Variants in SSU72 observed in about 807,000 individuals in gnomAD.
The protein encoded by SSU72 is SSU72 homolog, RNA polymerase II CTD phosphatase.
SSU72 carries 12 observed loss-of-function variants against 22.7 expected under a neutral mutation model. The observed-to-expected ratio is 0.53, with a 90% CI of 0.34 to 0.86. The LOEUF (loss-of-function observed/expected upper bound fraction) is 0.86, where lower values mean the gene tolerates loss of function less well. SSU72 is among the 40% of genes least tolerant of loss of function. The pLI, the probability that SSU72 is intolerant of heterozygous loss-of-function variation, is 0.02. For synonymous variants in SSU72, 116 were observed against 98.3 expected (o/e 1.18, Z -1.06); for missense variants, 151 against 249.8 (o/e 0.60, Z 2.67).
rs542404771 is a variant in SSU72, at chr1:1,554,529, G to T, written c.225-9527C>A. 1.8e-4 allele frequency among the ~76,000 whole-genome samples: 27 copies of T among 152,266 alleles called. No individual in the cohort carries two copies. In the South Asian group the frequency reaches 5.2e-3, roughly 29 times the overall value. The stretch of plus-strand genomic sequence containing the variant: ...ACACAGCTCGGTTTTCCTTACCAAG[G>T]TTTTCTCTTTTCACTCCCTAGGGGC... On this transcript the variant is annotated intron_variant, in intron 2 of 4. Coordinates refer to ENST00000291386, the MANE Select transcript of SSU72 (RefSeq NM_014188.3). The surrounding 1 kb of genome is among the most constrained non-coding windows in gnomAD (Gnocchi z 4.1).
chr1:1,550,265 CCCG>C (rs1355627519), intron 2 of SSU72, among the ~76,000 whole-genome samples: 1 of 152,124 alleles, frequency 6.6e-6, no homozygotes, highest in Non-Finnish European at 1.5e-5. Context: ...GCAGACAACC[CCCG>C]CCATCCTCCA....
intron 1 of SSU72, among the ~76,000 whole-genome samples, chr1:1,573,809 G>GT (rs1300497253): frequency 6.6e-6 from 1 of 152,122 alleles, no homozygotes; most frequent in African/African-American, 2.4e-5. Context: ...AATTTTAACT[G>GT]TAAGTCAAGT....
At chr1:1,549,973 C>CA (rs536331143) in intron 2 of SSU72, among the ~76,000 whole-genome samples, 13,840 of 92,844 alleles carry the variant, frequency 0.15, 1,310 homozygotes, top group East Asian at 0.4. Context: ...GACTCTGTCT[C>CA]AAAAAAAAAA....
At chr1:1,560,332 G>C (rs554545542) in intron 2 of SSU72, among the ~76,000 whole-genome samples, 1 of 151,946 alleles carries the variant, frequency 6.6e-6, no homozygotes, top group Non-Finnish European at 1.5e-5. Flanking sequence ...TTTTTGTAGA[G>C]ATAGAGGCTT....
intron 2 of SSU72, chr1:1,561,215 G>A (rs75185989): frequency 1.3e-5 from 2 of 152,322 alleles, no homozygotes; most frequent in East Asian, 3.9e-4. Context: ...CTCCCAAGTA[G>A]CTGGGACTAC....
chr1:1,566,533 G>A (rs1642663676), intron 1 of SSU72, among the ~76,000 whole-genome samples: 3 of 152,126 alleles, frequency 2.0e-5, no homozygotes, highest in South Asian at 4.2e-4. Context: ...ACACAGACAC[G>A]TGAGGAGTTC....
chr1:1,549,438 G>A (rs754510212), intron 2 of SSU72, among the ~76,000 whole-genome samples: 9 of 151,100 alleles, frequency 6.0e-5, no homozygotes, highest in Non-Finnish European at 1.2e-4. Context: ...GGAGAATGGC[G>A]TGAACCCGGA....
At chr1:1,550,524 C>CA (rs1239448372) in intron 2 of SSU72, among the ~76,000 whole-genome samples, 1 of 152,232 alleles carries the variant, frequency 6.6e-6, no homozygotes, top group Non-Finnish European at 1.5e-5. Context: ...TGCCAGCACT[C>CA]AGAGAATCAG....
intron 2 of SSU72, among the ~76,000 whole-genome samples, chr1:1,550,567 G>A (rs983301777): frequency 5.3e-5 from 8 of 152,172 alleles, no homozygotes; most frequent in Admixed American, 2.0e-4. Context: ...CAGACCCCAC[G>A]GGGCCTTGAG....
chr1:1,548,632 T>G (rs1028206171), intron 2 of SSU72, among the ~76,000 whole-genome samples: 1 of 139,120 alleles, frequency 7.2e-6, no homozygotes, highest in Non-Finnish European at 1.6e-5. Flanking sequence ...AGCCACGGGG[T>G]GGGGTGCTGG....
chr1:1,553,877 T>TA (rs1642484599), intron 2 of SSU72, among the ~76,000 whole-genome samples: 1 of 151,728 alleles, frequency 6.6e-6, no homozygotes, highest in African/African-American at 2.4e-5. Flanking sequence ...GACATTCTCT[T>TA]GACAATGCAG....
At chr1:1,562,958 C>T (rs2100717835) in intron 2 of SSU72, 1 of 152,494 alleles carries the variant, frequency 6.6e-6, no homozygotes, top group East Asian at 1.9e-4. Flanking sequence ...ACCAGGATGG[C>T]TCCCAGCACC....
chr1:1,543,988 C>A lies in SSU72; in HGVS notation c.365-1G>T. On this transcript the variant is annotated splice_acceptor_variant, in intron 3 of 4. Coordinates refer to ENST00000291386, the MANE Select transcript of SSU72 (RefSeq NM_014188.3). LOFTEE classifies it high-confidence loss of function. ...GTCTCCTGTTCTCTGGAATTCAGAT[C>A]TGATTGGGACAAGGTGACACAGACG... is the stretch of plus-strand genomic sequence containing the variant. 6.2e-7 allele frequency: 1 copy of A among 1,610,568 alleles called. No homozygotes were observed. The highest frequency in any genetic ancestry group is 1.1e-5 in the South Asian group (1 of 90,922).
chr1:1,550,406 C>T (rs897555174), intron 2 of SSU72, among the ~76,000 whole-genome samples: 1 of 152,214 alleles, frequency 6.6e-6, no homozygotes, highest in African/African-American at 2.4e-5. Flanking sequence ...TTAATTCAGG[C>T]AATTTTCAGC....
rs991266125 is a variant in SSU72 at position 1,554,659 on chromosome 1, G to A, written c.225-9657C>T. Among the ~76,000 whole-genome samples, 1 of 152,108 alleles carries A rather than the reference G, an allele frequency of 6.6e-6. No homozygotes were observed. The highest frequency in any genetic ancestry group is 1.5e-5 in the Non-Finnish European group (1 of 68,008). Reference sequence around the variant, plus strand: ...ACACTACCCTGCTATGAGTCACCAGGGACTTGAAAGGGAACCCACAGGCAC... The same window carrying A: ...ACACTACCCTGCTATGAGTCACCAGAGACTTGAAAGGGAACCCACAGGCAC... On this transcript the variant is annotated intron_variant, in intron 2 of 4. Coordinates refer to ENST00000291386, the MANE Select transcript of SSU72 (RefSeq NM_014188.3). This position sits in a 1 kb window ranked among gnomAD's most constrained non-coding sequence, Gnocchi z 4.1.
intron 2 of SSU72, 108 bp from the exon 3 acceptor site, chr1:1,545,110 G>T: frequency 7.2e-7 from 1 of 1,383,096 alleles, no homozygotes; most frequent in Non-Finnish European, 9.9e-7. Flanking sequence ...AGCAGAGGCA[G>T]CCGGGACGAA....
intron 2 of SSU72, 129 bp downstream of exon 2, chr1:1,564,644 C>G: frequency 6.2e-7 from 1 of 1,613,972 alleles, no homozygotes; most frequent in Non-Finnish European, 8.5e-7. Context: ...AGAAACCAAG[C>G]TCTCGCAAAG....
At chr1:1,568,683 G>A (rs1642691645) in intron 1 of SSU72, among the ~76,000 whole-genome samples, 1 of 152,088 alleles carries the variant, frequency 6.6e-6, no homozygotes, top group Admixed American at 6.5e-5. Context: ...CCAACACTTT[G>A]GGAGGCGGAG....
At chr1:1,562,356 GCA>G (rs1178193107) in intron 2 of SSU72, 3 of 152,376 alleles carry the variant, frequency 2.0e-5, no homozygotes, top group Admixed American at 1.3e-4. Flanking sequence ...AAGCTTCATG[GCA>G]CAGAGTTTAA....
Sources: allele counts gnomAD v4.1 joint callset (sites outside exome capture counted in the v4.1 genomes callset), GRCh38; gene constraint gnomAD v4.1.1; non-coding constraint Gnocchi (gnomAD v3.1); transcripts MANE v1.5; gene names NCBI Gene and HGNC (gene_info 2026-07-23, HGNC 2026-07-21).